The following NOS2 variants were observed in gnomAD, a reference collection of about 807,000 sequenced individuals.
NOS2 encodes nitric oxide synthase 2.
In NOS2, 96 loss-of-function variants were observed where a neutral mutation model predicts 136.0. The observed-to-expected ratio is 0.71, with a 90% confidence interval of 0.60 to 0.84. The LOEUF (loss-of-function observed/expected upper bound fraction) is 0.84. Among genes scored for constraint, NOS2 ranks in the 40% least tolerant of loss-of-function variants. NOS2 has a pLI of 0.00. For missense variants in NOS2, 1,237 were observed against 1,496.9 expected (o/e 0.83, Z 2.87); for synonymous variants, 539 against 587.5 (o/e 0.92, Z 1.20).
Position 27,762,946 on chromosome 17 carries a change from C to T in NOS2, c.2652G>A (p.Glu884=), listed in dbSNP as rs1415256501. ...CAGACACCCGCAGGGACGGGAACTC[C>T]TCTAGCACCTCCAGGAATGTGGGGC... ...TNSPTFLEVL[E]EFPSLRVSAG... The change falls in exon 22 of 27, where the codon GAG becomes GAA. Residue 884 remains glutamate (E), a synonymous_variant. Transcript: ENST00000313735. 4 of 1,606,618 alleles carry T rather than the reference C, an allele frequency of 2.5e-6. No individual in the cohort carries two copies. In the African/African-American group the frequency reaches 4.0e-5, roughly 16 times the overall value.
intron 24 of NOS2, 95 bp downstream of exon 24, chr17:27,760,528 G>A (rs1212992458): frequency 2.7e-6 from 4 of 1,507,666 alleles, no homozygotes; most frequent in Non-Finnish European, 3.6e-6. Flanking sequence ...CTTCCCTCGA[G>A]AGAGGTCAGG....
At chr17:27,800,109 GA>G (rs1444162204) in intron 1 of NOS2, among the ~76,000 whole-genome samples, 1 of 152,126 alleles carries the variant, frequency 6.6e-6, no homozygotes, top group East Asian at 1.9e-4. Context: ...GAACTTTTCA[GA>G]AAGTTTTTCC....
At chr17:27,768,878 G>T in intron 17 of NOS2, 99 bp downstream of exon 17, 1 of 1,300,348 alleles carries the variant, frequency 7.7e-7, no homozygotes. Flanking sequence ...AGGACCACAG[G>T]CAGAGGTCAT....
chr17:27,765,346 A>T (rs945710244), intron 20 of NOS2, among the ~76,000 whole-genome samples, 189 bp downstream of exon 20: 15 of 152,234 alleles, frequency 9.9e-5, no homozygotes, highest in Non-Finnish European at 2.1e-4. Flanking sequence ...TAGGGAAACT[A>T]AGGCCAGGGG....
chr17:27,758,059 C>T (rs1247952885), intron 26 of NOS2, among the ~76,000 whole-genome samples: 1 of 152,206 alleles, frequency 6.6e-6, no homozygotes, highest in African/African-American at 2.4e-5. Context: ...CTGTTTCCTG[C>T]TGTTTTTCTC....
rs200549600 is a variant in NOS2 at position 27,761,157 on chromosome 17, A to G, written c.2875T>C (p.Cys959Arg). The change falls in exon 23 of 27, where the codon TGC becomes CGC. Residue 959 changes from cysteine to arginine, a missense_variant. Coordinates refer to ENST00000313735, the MANE Select transcript of NOS2 (RefSeq NM_000625.4). ...NSLKPQDPVP[C>R]FVRNASGFHL... ...AGGGGTGCTTACTTCCGCACAAAGC[A>G]GGGCACTGGGTCTTGGGGCTTCAGG... The G allele has an allele frequency of 3.1e-6, 5 of 1,603,558 alleles. No individual in the cohort carries two copies. Among genetic ancestry groups the G allele is most frequent in the East Asian group, 2.2e-5 (1 of 44,690 alleles).
chr17:27,788,201 C>CACACACACAG (rs1229421028), intron 4 of NOS2, among the ~76,000 whole-genome samples: 1 of 151,782 alleles, frequency 6.6e-6, no homozygotes, highest in African/African-American at 2.4e-5. Context: ...CGCGTGCACA[C>CACACACACAG]ACACACACAC....
At chr17:27,771,910 G>T (rs1332059420) in intron 14 of NOS2, among the ~76,000 whole-genome samples, 1 of 152,232 alleles carries the variant, frequency 6.6e-6, no homozygotes, top group African/African-American at 2.4e-5. Context: ...AGTGCTGAAG[G>T]CAGGGGATAG....
intron 15 of NOS2, 33 bp downstream of exon 15, chr17:27,770,879 AC>A: frequency 6.5e-7 from 1 of 1,534,004 alleles, no homozygotes; most frequent in East Asian, 2.3e-5. Context: ...GTGCCCTACC[AC>A]CCCCTAGACC....
intron 5 of NOS2, among the ~76,000 whole-genome samples, chr17:27,784,717 T>C (rs960584939): frequency 4.6e-5 from 7 of 152,182 alleles, no homozygotes; most frequent in African/African-American, 1.4e-4. Flanking sequence ...CAGATTTAAA[T>C]GTAACATGCA....
At chr17:27,765,389 G>T in intron 20 of NOS2, 146 bp downstream of exon 20, 1 of 708,648 alleles carries the variant, frequency 1.4e-6, no homozygotes, top group Non-Finnish European at 2.3e-6. Flanking sequence ...TGTTTCCACA[G>T]CTGCTTTCAC....
intron 5 of NOS2, among the ~76,000 whole-genome samples, chr17:27,787,143 G>T (rs189442101): frequency 1.2e-3 from 176 of 152,350 alleles, no homozygotes; most frequent in Middle Eastern, 0.01. Context: ...CTGGAATGAG[G>T]TGACTTCAGG....
chr17:27,798,620 G>T (rs1909430689), intron 2 of NOS2, 80 bp downstream of exon 2: 2 of 835,440 alleles, frequency 2.4e-6, no homozygotes, highest in Non-Finnish European at 4.2e-6. Context: ...GGAGCAGAGA[G>T]AGGAATTCTG....
chr17:27,791,672 G>A (rs1040866498), intron 2 of NOS2, among the ~76,000 whole-genome samples: 2 of 151,530 alleles, frequency 1.3e-5, no homozygotes, highest in Non-Finnish European at 1.5e-5. Flanking sequence ...TACCTATTGA[G>A]ATGGTCCTAA....
chr17:27,783,215 G>T, intron 5 of NOS2, 109 bp from the exon 6 acceptor site: 1 of 1,229,780 alleles, frequency 8.1e-7, no homozygotes, highest in Non-Finnish European at 1.2e-6. Context: ...AGGGCAAGAT[G>T]CCTCTCACCA....
At chr17:27,789,032 C>A (rs775018879) in intron 3 of NOS2, 101 bp from the exon 4 acceptor site, 78 of 1,451,386 alleles carry the variant, frequency 5.4e-5, no homozygotes, top group Non-Finnish European at 7.2e-5. Flanking sequence ...CCACACAGGG[C>A]AGGGTGTCCC....
chr17:27,759,311 C>T (rs942572225), intron 25 of NOS2, among the ~76,000 whole-genome samples: 10 of 152,220 alleles, frequency 6.6e-5, no homozygotes, highest in African/African-American at 2.4e-4. Flanking sequence ...GAGGGGCTGA[C>T]CATCCAGTGG....
At chr17:27,760,460 C>A (rs1345260852) in intron 24 of NOS2, among the ~76,000 whole-genome samples, 163 bp downstream of exon 24, 1 of 152,202 alleles carries the variant, frequency 6.6e-6, no homozygotes, top group Non-Finnish European at 1.5e-5. Context: ...ATGCGGGAGA[C>A]GGAAAGGCAG....
intron 15 of NOS2, among the ~76,000 whole-genome samples, chr17:27,770,519 C>T (rs1908458121): frequency 1.3e-5 from 2 of 152,106 alleles, no homozygotes; most frequent in South Asian, 4.1e-4. Context: ...CAAACAAACA[C>T]CAAAAACCAA....
Sources: gnomAD v4.1 joint callset for allele counts (sites outside exome capture counted in the v4.1 genomes callset) on GRCh38, gnomAD v4.1.1 for gene constraint, MANE v1.5 for transcripts, NCBI Gene and HGNC (gene_info 2026-07-23, HGNC 2026-07-21) for gene names.